Variants in MLC1 observed in about 807,000 individuals in gnomAD.
The protein encoded by MLC1 is membrane protein MLC1.
A neutral mutation model predicts 44.7 loss-of-function variants in MLC1; 32 were observed. The ratio of observed to expected loss-of-function variants is 0.72; its 90% CI spans 0.54 to 0.96. MLC1 has a LOEUF of 0.96. Among genes scored for constraint, MLC1 ranks in the 40% least tolerant of loss-of-function variants. The pLI is 0.00. For missense variants in MLC1, 459 were observed against 492.2 expected (o/e 0.93, Z 0.64); for synonymous variants, 190 against 213.0 (o/e 0.89, Z 0.94).
chr22:50,063,147 T>A (rs2146755616), intron 11 of MLC1, among the ~76,000 whole-genome samples: 1 of 152,306 alleles, frequency 6.6e-6, no homozygotes, highest in South Asian at 2.1e-4. Context: ...GGGATGGGTC[T>A]GGGTTTACCC....
Position 50,076,869 on chromosome 22 carries a change from A to G in MLC1, c.569T>C (p.Phe190Ser). 1 of 1,613,900 alleles carries G rather than the reference A, an allele frequency of 6.2e-7. No individual in the cohort carries two copies. The highest frequency in any genetic ancestry group is 8.5e-7 in the Non-Finnish European group (1 of 1,179,848). Residue 190 changes from phenylalanine to serine, a missense_variant, in exon 7 of 12, where the codon TTT becomes TCT. By Grantham distance (155) the Phe-to-Ser change is radical (BLOSUM62 -2). Transcript: ENST00000311597. The part of the protein sequence containing the change: ...DSANILDEVP[F>S]PARVLKSYSV... ...GTAAGATTTCAGGACCCGAGCAGGA[A>G]ATGGCACTTCGTCCAGAATGTTGGC...
chr22:50,084,783 C>T lies in MLC1; in HGVS notation c.120G>A (p.Ser40=), dbSNP rs557978926. ...GGCTGAAGCAGGGGGGCAGTCTCTTCGACAGCTGCAGGTCGCTCGGCTTCG... is the reference window on the plus strand; with the variant it reads ...GGCTGAAGCAGGGGGGCAGTCTCTTTGACAGCTGCAGGTCGCTCGGCTTCG... ...PDAKPSDLQL[S]KRLPPCFSHK... is the part of the protein sequence containing the mutation. The change falls in exon 2 of 12, where the codon TCG becomes TCA. Residue 40 remains serine, a synonymous_variant. Transcript: ENST00000311597. The T allele has an allele frequency of 5.1e-5, 82 of 1,614,138 alleles. No homozygotes were observed. Among genetic ancestry groups the T allele is most frequent in the Middle Eastern group, 3.3e-4 (2 of 6,032 alleles).
At chr22:50,075,492 G>A (rs1476461105) in intron 7 of MLC1, among the ~76,000 whole-genome samples, 5 of 152,108 alleles carry the variant, frequency 3.3e-5, no homozygotes, top group African/African-American at 7.2e-5. Context: ...CAGACGGATC[G>A]TGAGGTCAGG....
At chr22:50,073,712 G>T (rs982975427) in intron 8 of MLC1, among the ~76,000 whole-genome samples, 4 of 152,044 alleles carry the variant, frequency 2.6e-5, no homozygotes, top group Non-Finnish European at 4.4e-5. Context: ...CTCCAGCCTG[G>T]GTGGCAGAGT....
At chr22:50,084,653 A>G (rs935948217) in intron 2 of MLC1, 73 bp downstream of exon 2, 5 of 1,534,638 alleles carry the variant, frequency 3.3e-6, no homozygotes, top group East Asian at 4.5e-5. Context: ...CTGGGGCTCC[A>G]GGGCGCTGCA....
chr22:50,072,607 G>C (rs1352986763), intron 8 of MLC1: 1 of 152,378 alleles, frequency 6.6e-6, no homozygotes, highest in Non-Finnish European at 1.5e-5. Context: ...TCTGTGATGA[G>C]GGCTGACTGC....
intron 10 of MLC1, among the ~76,000 whole-genome samples, chr22:50,066,593 G>A (rs530185035): frequency 6.6e-6 from 1 of 151,990 alleles, no homozygotes; most frequent in African/African-American, 2.4e-5. Flanking sequence ...CCAGGAGGCA[G>A]AGGTTGCAGT....
rs766231298 is a variant in MLC1, at chr22:50,074,295, C to T, written c.635G>A (p.Gly212Glu). The T allele has an allele frequency of 2.5e-6, 4 of 1,614,150 alleles. No homozygotes were observed. The highest frequency in any genetic ancestry group is 3.4e-6 in the Non-Finnish European group (4 of 1,180,036). ...EVIAGISAVLGGIIALNVDDS... is the reference protein window; with the variant it reads ...EVIAGISAVLEGIIALNVDDS... ...ATCCACGTTCAGGGCAATGATCCCC[C>T]CGAGGACGGCAGAGATGCCTGCGAT... Residue 212 changes from glycine to glutamate, a missense_variant, in exon 8 of 12, where the codon GGG (glycine) becomes GAG (glutamate). Transcript: ENST00000311597.
rs2061544011 is a variant in MLC1, at chr22:50,060,707, ACGTGG to A, written c.*871_*875del. ...AACACTGCCTGTCACAGCAGCGGCC[ACGTGG>A]CACTCCAAGCTGGGCATGACAGTGC... On this transcript the variant is annotated 3_prime_UTR_variant, in exon 12 of 12. Transcript: ENST00000311597. 1 of 123,712 alleles carries A rather than the reference ACGTGG, an allele frequency of 8.1e-6. No individual in the cohort carries two copies. The highest frequency in any genetic ancestry group is 1.9e-5 in the Non-Finnish European group (1 of 53,066). 7.7% of individuals were successfully genotyped at this position (123,712 alleles called of 1,614,324 possible). A position where few individuals can be genotyped will look rare whatever the true frequency, so the allele number is the denominator to read the frequency against.
chr22:50,073,666 G>A (rs1296780435), intron 8 of MLC1, among the ~76,000 whole-genome samples: 1 of 152,176 alleles, frequency 6.6e-6, no homozygotes, highest in East Asian at 1.9e-4. Flanking sequence ...CCGGGGAGGG[G>A]CAGAGGTTGT....
intron 9 of MLC1, among the ~76,000 whole-genome samples, chr22:50,068,759 G>A (rs1420175436): frequency 2.3e-5 from 3 of 128,378 alleles, no homozygotes; most frequent in South Asian, 2.4e-4. Flanking sequence ...GACAAGTCTC[G>A]CTGTGTCGCC....
At chr22:50,062,369 G>A (rs147642112) in intron 11 of MLC1, among the ~76,000 whole-genome samples, 2 of 151,858 alleles carry the variant, frequency 1.3e-5, no homozygotes, top group East Asian at 3.9e-4. Context: ...GGGATCTGGG[G>A]AGAACACCTC....
chr22:50,071,635 G>C (rs1029383004), intron 8 of MLC1, among the ~76,000 whole-genome samples: 1 of 152,168 alleles, frequency 6.6e-6, no homozygotes, highest in African/African-American at 2.4e-5. Context: ...AGTGCCCCAG[G>C]GTGTGGACTG....
chr22:50,077,496 A>G lies in MLC1; in HGVS notation c.430T>C (p.Phe144Leu), dbSNP rs776109756. The G allele has an allele frequency of 1.9e-6, 3 of 1,613,184 alleles. No individual in the cohort carries two copies. Among genetic ancestry groups the G allele is most frequent in the African/African-American group, 2.7e-5 (2 of 74,916 alleles). The change falls in exon 6 of 12, where the codon TTC becomes CTC. Residue 144 changes from phenylalanine to leucine, a missense_variant. Coordinates refer to ENST00000311597, the MANE Select transcript of MLC1 (RefSeq NM_015166.4). ...VLNPSAININFNLILLLLLEL... is the reference protein window; with the variant it reads ...VLNPSAININLNLILLLLLEL... ...AGCAGGAGCAGCAGGATGAGGTTGA[A>G]GTTGATCTGCCAAGGGGCACACACG...
At position 50,070,535 on chromosome 22, in the gene MLC1, T is replaced by G; in HGVS notation, c.763A>C (p.Lys255Gln). ...ASHVAAECPS[K>Q]CLVEVLIAIS... ...CTGAGGGGTTCACCCACCAGACACT[T>G]GCTGGGACACTCTGCTGCCACATGA... The change falls in exon 9 of 12, where the codon AAG (lysine) becomes CAG (glutamine). Residue 255 changes from lysine (K) to glutamine (Q), a missense_variant. Physicochemically the swap from Lys to Gln is moderately conservative, Grantham distance 53. Transcript: ENST00000311597. The G allele has an allele frequency of 1.3e-6, 2 of 1,562,452 alleles. No individual in the cohort carries two copies. The highest frequency in any genetic ancestry group is 1.4e-5 in the African/African-American group (1 of 73,992).
In MLC1 at chr22:50,080,005, C is replaced by G. The variant is rs763300792; in HGVS notation, c.336G>C (p.Gln112His). 6.2e-7 allele frequency: 1 copy of G among 1,613,854 alleles called. No individual in the cohort carries two copies. Among genetic ancestry groups the G allele is most frequent in the Admixed American group, 1.7e-5 (1 of 60,026 alleles). The change falls in exon 5 of 12, where the codon CAG (glutamine) becomes CAC (histidine). Residue 112 changes from glutamine to histidine, a missense_variant. Physicochemically the swap from Gln to His is conservative, Grantham distance 24 (BLOSUM62 0). Coordinates refer to ENST00000311597, the MANE Select transcript of MLC1 (RefSeq NM_015166.4). ...RRNANVIPNF[Q>H]ILFVSTFAVT... ...CAGCAAACGTGGAAACAAACAATATCTGAAAGTTGGGAATCTGAAAAACAA... is the reference window on the plus strand; with the variant it reads ...CAGCAAACGTGGAAACAAACAATATGTGAAAGTTGGGAATCTGAAAAACAA...
intron 7 of MLC1, among the ~76,000 whole-genome samples, chr22:50,075,455 T>C (rs1357340083): frequency 2.6e-5 from 4 of 152,130 alleles, no homozygotes; most frequent in Admixed American, 6.5e-5. Flanking sequence ...CTCATGCCTG[T>C]AATCCTAGCA....
In MLC1 at chr22:50,077,390, G is replaced by A. The variant is rs776361399; in HGVS notation, c.525+11C>T. 6.2e-7 allele frequency: 1 copy of A among 1,611,922 alleles called. No homozygotes were observed. The highest frequency in any genetic ancestry group is 1.3e-5 in the African/African-American group (1 of 74,926). ...CACCCCCTGCCCTGCGGGGTCAGAAGCTGCACCCACCTTCTTTTTCTTGCA... is the reference window on the plus strand; with the variant it reads ...CACCCCCTGCCCTGCGGGGTCAGAAACTGCACCCACCTTCTTTTTCTTGCA... On this transcript the variant is annotated intron_variant, in intron 6 of 11. Coordinates refer to ENST00000311597, the MANE Select transcript of MLC1 (RefSeq NM_015166.4).
intron 11 of MLC1, 32 bp from the exon 12 acceptor site, chr22:50,061,689 C>T (rs1039686428): frequency 9.4e-6 from 15 of 1,590,418 alleles, no homozygotes; most frequent in Admixed American, 1.7e-5. Flanking sequence ...TGTTACTTCA[C>T]CAGGGCCACC....
Sources: allele counts gnomAD v4.1 joint callset (sites outside exome capture counted in the v4.1 genomes callset), GRCh38; gene constraint gnomAD v4.1.1; transcripts MANE v1.5; gene names NCBI Gene and HGNC (gene_info 2026-07-23, HGNC 2026-07-21).